The following STIMATE variants were observed in gnomAD, a reference collection of about 807,000 sequenced individuals.
STIMATE encodes the protein STIM activating enhancer.
In STIMATE, 15 loss-of-function variants were observed where a neutral mutation model predicts 36.7. The observed-to-expected ratio is 0.41, with a 90% CI of 0.27 to 0.63. STIMATE has a LOEUF of 0.63. Ranked by LOEUF, STIMATE falls within the 20% of genes least tolerant of loss-of-function variation. STIMATE has a pLI of 0.32. For missense variants in STIMATE, 305 were observed against 397.3 expected (o/e 0.77, Z 1.98); for synonymous variants, 163 against 162.3 (o/e 1.00, Z -0.03).
At chr3:52,848,656 T>G (rs1333488907) in intron 4 of STIMATE, 1 of 152,276 alleles carries the variant, frequency 6.6e-6, no homozygotes, top group African/African-American at 2.4e-5. Flanking sequence ...AGCCATGCAC[T>G]GGCTGGGTGA....
chr3:52,888,728 A>AT (rs1701734092), intron 1 of STIMATE, among the ~76,000 whole-genome samples: 1 of 152,238 alleles, frequency 6.6e-6, no homozygotes, highest in South Asian at 2.1e-4. Flanking sequence ...CAGAGGAAGC[A>AT]TTTTAAGTAA....
intron 1 of STIMATE, among the ~76,000 whole-genome samples, chr3:52,888,221 G>A (rs943176174): frequency 1.3e-5 from 2 of 152,108 alleles, no homozygotes; most frequent in African/African-American, 2.4e-5. Flanking sequence ...TAATGGAAGA[G>A]CAGACTTGTA....
At chr3:52,855,983 C>A (rs1701085564) in intron 1 of STIMATE, among the ~76,000 whole-genome samples, 1 of 152,216 alleles carries the variant, frequency 6.6e-6, no homozygotes, top group South Asian at 2.1e-4. Context: ...TGGCCAACCC[C>A]ACAGTGGGGA....
At chr3:52,865,527 C>T (rs116240403) in intron 1 of STIMATE, among the ~76,000 whole-genome samples, 4,567 of 152,176 alleles carry the variant, frequency 0.03, 230 homozygotes, top group African/African-American at 0.1. Context: ...TATATGGCGG[C>T]GGCAAGAAAA....
chr3:52,851,731 T>C (rs1203317864), intron 3 of STIMATE, among the ~76,000 whole-genome samples: 1 of 152,254 alleles, frequency 6.6e-6, no homozygotes, highest in Non-Finnish European at 1.5e-5. Flanking sequence ...CTTACTTTCA[T>C]TCATTCACTT....
chr3:52,892,520 A>T (rs1701799402), intron 1 of STIMATE, among the ~76,000 whole-genome samples: 1 of 152,238 alleles, frequency 6.6e-6, no homozygotes, highest in Admixed American at 6.5e-5. Context: ...AGGAAAGGAC[A>T]GCGACACTGA....
chr3:52,871,097 G>A (rs898146966), intron 1 of STIMATE, among the ~76,000 whole-genome samples: 2 of 152,000 alleles, frequency 1.3e-5, no homozygotes, highest in Non-Finnish European at 2.9e-5. Context: ...ATCAAGTACC[G>A]CCACCTCCTG....
intron 1 of STIMATE, among the ~76,000 whole-genome samples, chr3:52,878,400 T>C (rs1424556636): frequency 1.3e-5 from 2 of 152,058 alleles, no homozygotes; most frequent in South Asian, 4.2e-4. Flanking sequence ...AACCCTATGG[T>C]CCAGGCTGTA....
chr3:52,846,457 C>T (rs1370987485), intron 4 of STIMATE: 3 of 152,242 alleles, frequency 2.0e-5, no homozygotes, highest in Non-Finnish European at 4.4e-5. Context: ...GGAAATCTCT[C>T]TGTGAGGACT....
At chr3:52,840,693 G>A in intron 7 of STIMATE, 83 bp from the exon 8 acceptor site, 1 of 1,117,642 alleles carries the variant, frequency 8.9e-7, no homozygotes, top group Non-Finnish European at 1.2e-6. Flanking sequence ...GGCCCTTCAA[G>A]TCTCATGTTT....
At chr3:52,867,563 C>T (rs1449812214) in intron 1 of STIMATE, among the ~76,000 whole-genome samples, 1 of 152,244 alleles carries the variant, frequency 6.6e-6, no homozygotes, top group Non-Finnish European at 1.5e-5. Flanking sequence ...GTTTTGGAGC[C>T]CTCTGCCCCA....
At chr3:52,894,779 G>A (rs761712162) in intron 1 of STIMATE, among the ~76,000 whole-genome samples, 16 of 152,202 alleles carry the variant, frequency 1.1e-4, no homozygotes, top group Non-Finnish European at 1.5e-4. Flanking sequence ...CTGGGGAAGC[G>A]TTCCAGAAGA....
At chr3:52,842,106 A>ACCTCACCCACGTGT (rs1327140402) in intron 7 of STIMATE, among the ~76,000 whole-genome samples, 1 of 152,150 alleles carries the variant, frequency 6.6e-6, no homozygotes, top group Admixed American at 6.5e-5. Flanking sequence ...GTCCACCTGC[A>ACCTCACCCACGTGT]CCTCACCCAC....
Position 52,888,070 on chromosome 3 carries a change from C to G in STIMATE, c.160+9221G>C, listed in dbSNP as rs1360014950. Among the ~76,000 whole-genome samples the G allele has an allele frequency of 4.1e-5, 5 of 122,588 alleles. No homozygotes were observed. In the Admixed American group the frequency reaches 5.6e-4, roughly 14 times the overall value. The allele number at this position is 122,588 out of a possible 152,430, so 80.4% of individuals were successfully genotyped here. A position where few individuals can be genotyped will look rare whatever the true frequency, so the allele number is the denominator to read the frequency against. On this transcript the variant is annotated intron_variant, in intron 1 of 7. Transcript: ENST00000355083. ...AAAGAAATCTGAAGGCAGAATAAAG[C>G]CAGGGCTCTTGACAGAAAAAAAACA... is the stretch of plus-strand genomic sequence containing the variant.
In STIMATE at chr3:52,837,511, AC is replaced by A. The variant is rs1276861464; in HGVS notation, c.*2982del. 1 of 152,522 alleles carries A rather than the reference AC, an allele frequency of 6.6e-6. No individual in the cohort carries two copies. Among genetic ancestry groups the A allele is most frequent in the Non-Finnish European group, 1.5e-5 (1 of 68,234 alleles). The allele number at this position is 152,522 out of a possible 1,614,324, so 9.4% of individuals were successfully genotyped here. A position where few individuals can be genotyped will look rare whatever the true frequency, so the allele number is the denominator to read the frequency against. On this transcript the variant is annotated 3_prime_UTR_variant, in exon 8 of 8. Coordinates refer to ENST00000355083, the MANE Select transcript of STIMATE (RefSeq NM_198563.5). Reference sequence around the variant, plus strand: ...TGCAAGCTGAGTGGACCAAGAAGCCACCACCACCTGGATCTCACTAACATCC... The same window carrying A: ...TGCAAGCTGAGTGGACCAAGAAGCCACACCACCTGGATCTCACTAACATCC...
intron 1 of STIMATE, among the ~76,000 whole-genome samples, chr3:52,887,994 GTTTTTTTTTTTT>G (rs71087029): frequency 3.8e-4 from 20 of 52,718 alleles, no homozygotes; most frequent in Admixed American, 8.9e-4. Context: ...AACAGAATCA[GTTTTTTTTTTTT>G]TTTTTTTTTT....
At chr3:52,875,791 C>T (rs2106710301) in intron 1 of STIMATE, among the ~76,000 whole-genome samples, 1 of 152,330 alleles carries the variant, frequency 6.6e-6, no homozygotes. Context: ...TACACCTGCC[C>T]TCTTGACATC....
chr3:52,850,657 G>A (rs1048918741), intron 3 of STIMATE, among the ~76,000 whole-genome samples: 18 of 152,196 alleles, frequency 1.2e-4, no homozygotes, highest in African/African-American at 3.9e-4. Flanking sequence ...CTCGGGTTTC[G>A]CAGACAAAGA....
intron 7 of STIMATE, among the ~76,000 whole-genome samples, chr3:52,842,535 C>G (rs1278467782): frequency 1.3e-5 from 2 of 152,262 alleles, no homozygotes; most frequent in Admixed American, 1.3e-4. Flanking sequence ...CCTCTCCTGT[C>G]TGTCATCTCC....
Sources: gnomAD v4.1 joint callset for allele counts (sites outside exome capture counted in the v4.1 genomes callset) on GRCh38, gnomAD v4.1.1 for gene constraint, MANE v1.5 for transcripts, NCBI Gene and HGNC (gene_info 2026-07-23, HGNC 2026-07-21) for gene names.